ZSWIM9: variants seen among roughly 807,000 people sequenced by gnomAD.
The protein encoded by ZSWIM9 is zinc finger SWIM-type containing 9.
In ZSWIM9, 11 loss-of-function variants were observed where a neutral mutation model predicts 25.0. That is an observed-to-expected ratio of 0.44 (90% CI 0.28 to 0.73). The LOEUF is 0.73. ZSWIM9 is among the 30% of genes least tolerant of loss of function. ZSWIM9 has a pLI of 0.16. For synonymous variants in ZSWIM9, 562 were observed against 582.1 expected, an observed-to-expected ratio of 0.97 and a Z score of 0.50; for missense variants, 1,070 against 1,296.5, an observed-to-expected ratio of 0.83 and a Z score of 2.68.
In ZSWIM9 at chr19:48,197,167, G is replaced by T; in HGVS notation, c.*340G>T. The T allele has an allele frequency of 1.4e-6, 1 of 697,254 alleles. No homozygotes were observed. The allele number at this position is 697,254 out of a possible 1,614,324, so 43.2% of individuals were successfully genotyped here. ...AGAGCTGGGGGGAGGGGGAGGAAGC[G>T]ATCATATGGGGAGTGTCTGGCAAGA... On this transcript the variant is annotated 3_prime_UTR_variant, in exon 4 of 4. Transcript: ENST00000614654.
At chr19:48,185,750 T>G (rs1036218356) in intron 3 of ZSWIM9, among the ~76,000 whole-genome samples, 2 of 152,144 alleles carry the variant, frequency 1.3e-5, no homozygotes, top group Admixed American at 6.6e-5. Context: ...ACTTTGGGAC[T>G]CTGAGGCAGA....
chr19:48,184,137 C>T (rs915396582), intron 3 of ZSWIM9, among the ~76,000 whole-genome samples: 7 of 151,850 alleles, frequency 4.6e-5, no homozygotes, highest in South Asian at 2.1e-4. Context: ...AGAAAAAGGC[C>T]GGGGCCTGGA....
chr19:48,197,514 AAG>A lies in ZSWIM9; in HGVS notation c.*694_*695del. On this transcript the variant is annotated 3_prime_UTR_variant, in exon 4 of 4. Coordinates refer to ENST00000614654, the MANE Select transcript of ZSWIM9 (RefSeq NM_199341.4). The stretch of plus-strand genomic sequence containing the variant: ...AGACATCGACCCCCATCGCCTTCTG[AAG>A]AGAGAGGGAGGGCGGGCACTGGGGG... 1.9e-6 allele frequency: 1 copy of A among 537,984 alleles called. No individual in the cohort carries two copies. Among genetic ancestry groups the A allele is most frequent in the Admixed American group, 3.2e-5 (1 of 31,516 alleles). 33.3% of individuals were successfully genotyped at this position (537,984 alleles called of 1,614,324 possible).
chr19:48,197,123 C>G lies in ZSWIM9; in HGVS notation c.*296C>G. On this transcript the variant is annotated 3_prime_UTR_variant, in exon 4 of 4. Coordinates refer to ENST00000614654, the MANE Select transcript of ZSWIM9 (RefSeq NM_199341.4). Reference sequence around the variant, plus strand: ...AGGTGTAGACAGGGTCAGGCTGGGACAGAAGGAAGGAAAGGGGCAGAGCTG... The same window carrying G: ...AGGTGTAGACAGGGTCAGGCTGGGAGAGAAGGAAGGAAAGGGGCAGAGCTG... 1 of 650,320 alleles carries G rather than the reference C, an allele frequency of 1.5e-6. No homozygotes were observed. The highest frequency in any genetic ancestry group is 2.7e-6 in the Non-Finnish European group (1 of 364,586). 40.3% of individuals were successfully genotyped at this position (650,320 alleles called of 1,614,324 possible).
At position 48,195,753 on chromosome 19, in the gene ZSWIM9, G is replaced by C. The variant is rs899384355; in HGVS notation, c.1689G>C (p.Gln563His). ...GPEIRDWRGP[Q>H]LEGEKDWGLE... The stretch of plus-strand genomic sequence containing the variant: ...AGATTAGAGACTGGAGGGGGCCCCA[G>C]TTGGAGGGTGAGAAAGATTGGGGAC... The change falls in exon 4 of 4, where the codon CAG (glutamine) becomes CAC (histidine). Residue 563 changes from glutamine (Q) to histidine (H), a missense_variant. Gln to His is a conservative substitution (Grantham distance 24). Coordinates refer to ENST00000614654, the MANE Select transcript of ZSWIM9 (RefSeq NM_199341.4). This position sits in a 1 kb window ranked among gnomAD's most constrained non-coding sequence, Gnocchi z 5.8. 6.0e-6 allele frequency: 9 copies of C among 1,489,820 alleles called. No individual in the cohort carries two copies. The highest frequency in any genetic ancestry group is 7.1e-6 in the Non-Finnish European group (8 of 1,127,442). 92.3% of individuals were successfully genotyped at this position (1,489,820 alleles called of 1,614,324 possible).
chr19:48,193,247 CCT>C (rs1372194443), intron 3 of ZSWIM9: 1 of 154,606 alleles, frequency 6.5e-6, no homozygotes, highest in Non-Finnish European at 1.5e-5. Flanking sequence ...AGGTCACTTG[CCT>C]GAAGTCCCAC....
chr19:48,175,467 G>A (rs1285764812), intron 2 of ZSWIM9, among the ~76,000 whole-genome samples: 1 of 152,160 alleles, frequency 6.6e-6, no homozygotes. Context: ...GGAGAAGTTA[G>A]TGTGTAAGGA....
Position 48,182,589 on chromosome 19 carries a change from C to T in ZSWIM9, c.410C>T (p.Pro137Leu), listed in dbSNP as rs1319555621. 6 of 1,535,890 alleles carry T rather than the reference C, an allele frequency of 3.9e-6. No homozygotes were observed. Among genetic ancestry groups the T allele is most frequent in the South Asian group, 1.2e-5 (1 of 84,054 alleles). ...CPLEFAYYFR[P>L]GHLLANACLP... Reference sequence around the variant, plus strand: ...CTGGAGTTCGCCTACTACTTCCGCCCGGGCCACCTGCTGGCCAACGCCTGC... The same window carrying T: ...CTGGAGTTCGCCTACTACTTCCGCCTGGGCCACCTGCTGGCCAACGCCTGC... The change falls in exon 3 of 4, where the codon CCG (proline) becomes CTG (leucine). Residue 137 changes from proline to leucine, a missense_variant. Pro to Leu is a moderately conservative substitution (Grantham distance 98, BLOSUM62 -3). This residue lies in a region of ZSWIM9 where 265 missense variants were observed against 339.0 expected (regional missense o/e 0.78). Transcript: ENST00000614654. The surrounding 1 kb of genome is among the most constrained non-coding windows in gnomAD (Gnocchi z 4.6).
rs1186077966 is a variant in ZSWIM9, at chr19:48,182,785, G to A, written c.588+18G>A. ...AGGCCAAGGTGGGGTCTCGAGAGAG[G>A]CAGGCCGGGGGAGGGGGCGGGGGAA... On this transcript the variant is annotated intron_variant, in intron 3 of 3. Transcript: ENST00000614654. The surrounding 1 kb of genome is among the most constrained non-coding windows in gnomAD (Gnocchi z 4.6). 3 of 1,509,846 alleles carry A rather than the reference G, an allele frequency of 2.0e-6. No homozygotes were observed. The highest frequency in any genetic ancestry group is 1.4e-5 in the African/African-American group (1 of 72,644). The allele number at this position is 1,509,846 out of a possible 1,614,324, so 93.5% of individuals were successfully genotyped here.
Position 48,191,092 on chromosome 19 carries a change from A to ATG in ZSWIM9, c.589-3528_589-3527dup, listed in dbSNP as rs940221946. Among the ~76,000 whole-genome samples, 792 of 96,528 alleles carry ATG rather than the reference A, an allele frequency of 8.2e-3. 1 individual carries two copies. Among genetic ancestry groups the ATG allele is most frequent in the Middle Eastern group, 0.035 (6 of 170 alleles). 63.3% of individuals were successfully genotyped at this position (96,528 alleles called of 152,430 possible). A position where few individuals can be genotyped will look rare whatever the true frequency, so the allele number is the denominator to read the frequency against. ...GTGAGAAAGTGCAGTGTGTATGTGT[A>ATG]TGTGTGTGTGTGTGTGTGTGTGTGT... On this transcript the variant is annotated intron_variant, in intron 3 of 3. Transcript: ENST00000614654.
At chr19:48,188,505 G>C (rs2037057213) in intron 3 of ZSWIM9, among the ~76,000 whole-genome samples, 1 of 151,970 alleles carries the variant, frequency 6.6e-6, no homozygotes, top group South Asian at 2.1e-4. Flanking sequence ...GGGATTACAG[G>C]CGTGAGCCAC....
intron 3 of ZSWIM9, among the ~76,000 whole-genome samples, chr19:48,189,935 G>C (rs1270442323): frequency 6.6e-6 from 1 of 152,154 alleles, no homozygotes; most frequent in Admixed American, 6.5e-5. Flanking sequence ...GGGCGCAGTG[G>C]CTCACACCTG....
At position 48,182,590 on chromosome 19, in the gene ZSWIM9, G is replaced by A. The variant is rs1345183576; in HGVS notation, c.411G>A (p.Pro137=). 7.2e-6 allele frequency: 11 copies of A among 1,535,824 alleles called. 1 individual carries two copies. In the East Asian group the frequency reaches 1.7e-4, roughly 24 times the overall value. ...TGGAGTTCGCCTACTACTTCCGCCC[G>A]GGCCACCTGCTGGCCAACGCCTGCC... ...CPLEFAYYFR[P]GHLLANACLP... is the part of the protein sequence containing the mutation. The change falls in exon 3 of 4, where the codon CCG becomes CCA. Residue 137 remains proline (P), a synonymous_variant. Transcript: ENST00000614654. The surrounding 1 kb of genome is among the most constrained non-coding windows in gnomAD (Gnocchi z 4.6).
rs2037169431 is a variant in ZSWIM9 at position 48,196,599 on chromosome 19, T to G, written c.2535T>G (p.Ala845=). Residue 845 remains alanine (A), a synonymous_variant, in exon 4 of 4, where the codon GCT becomes GCG. Coordinates refer to ENST00000614654, the MANE Select transcript of ZSWIM9 (RefSeq NM_199341.4). ...TGGTGGCTGAGGAGTTGGCCTTTGCTAGGCAGCATGGGACCCGGGGTTTCC... is the reference window on the plus strand; with the variant it reads ...TGGTGGCTGAGGAGTTGGCCTTTGCGAGGCAGCATGGGACCCGGGGTTTCC... ...ADLVAEELAF[A]RQHGTRGFHW... 4 of 1,232,396 alleles carry G rather than the reference T, an allele frequency of 3.2e-6. No individual in the cohort carries two copies. The highest frequency in any genetic ancestry group is 4.0e-6 in the Non-Finnish European group (4 of 988,276). 76.3% of individuals were successfully genotyped at this position (1,232,396 alleles called of 1,614,324 possible).
In ZSWIM9 at chr19:48,194,370, G is replaced by A. The variant is rs2037132142; in HGVS notation, c.589-283G>A. 6.6e-6 allele frequency among the ~76,000 whole-genome samples: 1 copy of A among 152,166 alleles called. No individual in the cohort carries two copies. Among genetic ancestry groups the A allele is most frequent in the African/African-American group, 2.4e-5 (1 of 41,454 alleles). Reference sequence around the variant, plus strand: ...GAGGAATGAATAGCCAGCTTCCGGCGGAGGAAACTGAGGCTCAGAGAAGCT... The same window carrying A: ...GAGGAATGAATAGCCAGCTTCCGGCAGAGGAAACTGAGGCTCAGAGAAGCT... On this transcript the variant is annotated intron_variant, in intron 3 of 3. Coordinates refer to ENST00000614654, the MANE Select transcript of ZSWIM9 (RefSeq NM_199341.4). The surrounding 1 kb of genome is among the most constrained non-coding windows in gnomAD (Gnocchi z 6.0).
chr19:48,180,506 C>T (rs2036936643), intron 2 of ZSWIM9, among the ~76,000 whole-genome samples: 2 of 151,956 alleles, frequency 1.3e-5, no homozygotes, highest in African/African-American at 2.4e-5. Flanking sequence ...CTCTCTCTGA[C>T]TTTGATCCTC....
chr19:48,187,981 T>C (rs144643724), intron 3 of ZSWIM9, among the ~76,000 whole-genome samples: 1,679 of 147,676 alleles, frequency 0.011, 32 homozygotes, highest in African/African-American at 0.041. Flanking sequence ...GATAGATAGA[T>C]AGATAGACAG....
rs576793891 is a variant in ZSWIM9 at position 48,183,905 on chromosome 19, A to G, written c.588+1138A>G. Reference sequence around the variant, plus strand: ...TGAAGCAGTCCTGCTTCGGCCTCCCAAAGTGCTGGGATTACAGGCATGAGC... The same window carrying G: ...TGAAGCAGTCCTGCTTCGGCCTCCCGAAGTGCTGGGATTACAGGCATGAGC... On this transcript the variant is annotated intron_variant, in intron 3 of 3. Coordinates refer to ENST00000614654, the MANE Select transcript of ZSWIM9 (RefSeq NM_199341.4). Among the ~76,000 whole-genome samples, 25 of 151,172 alleles carry G rather than the reference A, an allele frequency of 1.7e-4. No individual in the cohort carries two copies. In the East Asian group the frequency reaches 4.3e-3, roughly 26 times the overall value.
Position 48,195,016 on chromosome 19 carries a change from C to A in ZSWIM9, c.952C>A (p.Arg318Ser). The change falls in exon 4 of 4, where the codon CGC (arginine) becomes AGC (serine). Residue 318 changes from arginine (R) to serine (S), a missense_variant. Around this residue, in one of 4 missense-constraint regions of ZSWIM9, gnomAD observed 184 missense variants for 243.1 expected, o/e 0.76. Transcript: ENST00000614654. The surrounding 1 kb of genome is among the most constrained non-coding windows in gnomAD (Gnocchi z 5.8). ...GCCCTGCGCGCGCGTGCAGATCTGCCGCGCGCAGGGCCTGGAGACGCTCTT... is the reference window on the plus strand; with the variant it reads ...GCCCTGCGCGCGCGTGCAGATCTGCAGCGCGCAGGGCCTGGAGACGCTCTT... ...LLPCARVQIC[R>S]AQGLETLFSK... 7.3e-7 allele frequency: 1 copy of A among 1,365,482 alleles called. No homozygotes were observed. The highest frequency in any genetic ancestry group is 9.4e-7 in the Non-Finnish European group (1 of 1,067,172). 84.6% of individuals were successfully genotyped at this position (1,365,482 alleles called of 1,614,324 possible).
Sources: gnomAD v4.1 joint callset for allele counts (sites outside exome capture counted in the v4.1 genomes callset) on GRCh38, gnomAD v4.1.1 for gene constraint, gnomAD v4.1.1 regional missense constraint, Gnocchi (gnomAD v3.1) non-coding constraint, MANE v1.5 for transcripts, NCBI Gene and HGNC (gene_info 2026-07-23, HGNC 2026-07-21) for gene names.